The following CDKL2 variants were observed in gnomAD, a reference collection of about 807,000 sequenced individuals.
CDKL2 encodes the protein cyclin-dependent kinase-like 2.
CDKL2 carries 64 observed loss-of-function variants against 63.9 expected under a neutral mutation model. The observed-to-expected ratio is 1.00, with a 90% CI of 0.82 to 1.23. The LOEUF (loss-of-function observed/expected upper bound fraction) is 1.23. CDKL2 is among the 50% of genes most tolerant of loss of function. The pLI is 0.00. For synonymous variants in CDKL2, 211 were observed against 229.2 expected, an observed-to-expected ratio of 0.92 and a Z score of 0.72; for missense variants, 656 against 668.0, an observed-to-expected ratio of 0.98 and a Z score of 0.20.
Position 75,614,278 on chromosome 4 carries a change from T to C in CDKL2, c.340A>G (p.Ile114Val). 1 of 1,605,500 alleles carries C rather than the reference T, an allele frequency of 6.2e-7. No homozygotes were observed. Among genetic ancestry groups the C allele is most frequent in the Non-Finnish European group, 8.5e-7 (1 of 1,176,736 alleles). Residue 114 changes from isoleucine (I) to valine (V), a missense_variant, in exon 3 of 14, where the codon ATT becomes GTT. Coordinates refer to ENST00000307465, the MANE Select transcript of CDKL2 (RefSeq NM_001330724.2). ...ACATTGTGACTGTGACAAAATCCAA[T>C]TCCATTAATAATCTGAAACAAATAC... is the stretch of plus-strand genomic sequence containing the variant. ...QKYLFQIINGIGFCHSHNIIH... is the reference protein window; with the variant it reads ...QKYLFQIINGVGFCHSHNIIH...
intron 2 of CDKL2, among the ~76,000 whole-genome samples, chr4:75,615,155 A>G (rs1477565784): frequency 6.6e-6 from 1 of 152,036 alleles, no homozygotes; most frequent in Non-Finnish European, 1.5e-5. Flanking sequence ...CAAGTTTTAG[A>G]GAAATTAAAC....
chr4:75,580,015 T>C (rs1206930803), intron 13 of CDKL2, among the ~76,000 whole-genome samples: 2 of 152,178 alleles, frequency 1.3e-5, no homozygotes, highest in Non-Finnish European at 2.9e-5. Context: ...CTCATGACTG[T>C]AATCCCAGCA....
intron 3 of CDKL2, among the ~76,000 whole-genome samples, chr4:75,609,800 C>T (rs1729603538): frequency 6.6e-6 from 1 of 151,872 alleles, no homozygotes; most frequent in South Asian, 2.1e-4. Flanking sequence ...GCATCCTAAA[C>T]GGCAATCTGC....
In CDKL2 at chr4:75,628,344, T is replaced by A. The variant is rs192631420; in HGVS notation, c.-30+1698A>T. Among the ~76,000 whole-genome samples the A allele has an allele frequency of 1.4e-3, 211 of 152,272 alleles. 1 individual carries two copies. The highest frequency in any genetic ancestry group is 5.0e-3 in the African/African-American group (206 of 41,568). ...GTTAGCCAGGATTGTATCGATCTCC[T>A]GACCTCGTGATCTGCCCGCCTCGGC... is the stretch of plus-strand genomic sequence containing the variant. On this transcript the variant is annotated intron_variant, in intron 1 of 13. Transcript: ENST00000307465.
rs570788852 is a variant in CDKL2, at chr4:75,616,492, A to G, written c.169-2043T>C. Among the ~76,000 whole-genome samples, 146 of 152,060 alleles carry G rather than the reference A, an allele frequency of 9.6e-4. 1 individual carries two copies. Among genetic ancestry groups the G allele is most frequent in the Middle Eastern group, 3.4e-3 (1 of 294 alleles). Reference sequence around the variant, plus strand: ...AACCTGGCCAACATGGCAAAACCCCATCTCTACCAAAAATACAAAAAAATT... The same window carrying G: ...AACCTGGCCAACATGGCAAAACCCCGTCTCTACCAAAAATACAAAAAAATT... On this transcript the variant is annotated intron_variant, in intron 2 of 13. Coordinates refer to ENST00000307465, the MANE Select transcript of CDKL2 (RefSeq NM_001330724.2).
At chr4:75,614,161 G>C (rs1321684554) in intron 3 of CDKL2, 94 bp downstream of exon 3, 1 of 771,242 alleles carries the variant, frequency 1.3e-6, no homozygotes, top group Non-Finnish European at 2.1e-6. Context: ...ACTGATGTCT[G>C]CAACTTATTT....
chr4:75,624,989 A>C (rs1469604116), intron 2 of CDKL2, among the ~76,000 whole-genome samples: 1 of 152,266 alleles, frequency 6.6e-6, no homozygotes, highest in African/African-American at 2.4e-5. Context: ...GTTTATAAAA[A>C]TAAACATTAA....
Position 75,591,829 on chromosome 4 carries a change from G to A in CDKL2, c.1637C>T (p.Thr546Ile). The A allele has an allele frequency of 6.5e-7, 1 of 1,533,320 alleles. No homozygotes were observed. Among genetic ancestry groups the A allele is most frequent in the Non-Finnish European group, 8.7e-7 (1 of 1,144,508 alleles). The allele number at this position is 1,533,320 out of a possible 1,614,324, so 95.0% of individuals were successfully genotyped here. ...AAIDLHTPSI[T>I]LHQVSGPPLS... ...AGAGTATTTCTGTACCTGATGTAATGTAATACTGGGGGTGTGCAGGTCAAT... is the reference window on the plus strand; with the variant it reads ...AGAGTATTTCTGTACCTGATGTAATATAATACTGGGGGTGTGCAGGTCAAT... Residue 546 changes from threonine (T) to isoleucine (I), a missense_variant, in exon 12 of 14, where the codon ACA becomes ATA. Physicochemically the swap from Thr to Ile is moderately conservative, Grantham distance 89. Coordinates refer to ENST00000307465, the MANE Select transcript of CDKL2 (RefSeq NM_001330724.2).
chr4:75,610,822 T>G (rs1426316741), intron 3 of CDKL2, among the ~76,000 whole-genome samples: 3 of 152,206 alleles, frequency 2.0e-5, no homozygotes, highest in African/African-American at 7.2e-5. Context: ...CATATATGTG[T>G]TTATATATAT....
Position 75,597,050 on chromosome 4 carries a change from C to G in CDKL2, c.1207G>C (p.Asp403His), listed in dbSNP as rs1342916491. 5.0e-6 allele frequency: 8 copies of G among 1,614,174 alleles called. No homozygotes were observed. The highest frequency in any genetic ancestry group is 6.8e-6 in the Non-Finnish European group (8 of 1,180,014). The change falls in exon 9 of 14, where the codon GAC becomes CAC. Residue 403 changes from aspartate to histidine, a missense_variant. Asp to His is a moderately conservative substitution (Grantham distance 81). Coordinates refer to ENST00000307465, the MANE Select transcript of CDKL2 (RefSeq NM_001330724.2). ...GCCACGCTTGGATTCCTTGTGTGGT[C>G]CACGCTGACATTGCTGCAGTCTTTG... is the stretch of plus-strand genomic sequence containing the variant. ...SLKDCSNVSV[D>H]HTRNPSVAIP...
intron 3 of CDKL2, among the ~76,000 whole-genome samples, chr4:75,612,895 C>T (rs1368248966): frequency 6.6e-6 from 1 of 152,274 alleles, no homozygotes; most frequent in Admixed American, 6.5e-5. Context: ...GAGGCCAAGG[C>T]AGGCGGATCA....
chr4:75,605,260 G>A (rs201664659), intron 5 of CDKL2, among the ~76,000 whole-genome samples: 1 of 152,068 alleles, frequency 6.6e-6, no homozygotes, highest in East Asian at 1.9e-4. Context: ...GGCTGAGGCA[G>A]GAGAATCGCT....
At chr4:75,603,776 T>C (rs770088210) in intron 6 of CDKL2, 41 bp downstream of exon 6, 6 of 898,604 alleles carry the variant, frequency 6.7e-6, no homozygotes, top group Middle Eastern at 7.2e-4. Context: ...TGATAGTGCA[T>C]AAATTCCCTG....
At chr4:75,620,685 T>C (rs1730115146) in intron 2 of CDKL2, among the ~76,000 whole-genome samples, 1 of 152,060 alleles carries the variant, frequency 6.6e-6, no homozygotes, top group African/African-American at 2.4e-5. Context: ...CCAAGAAACA[T>C]ATGCCACTTT....
chr4:75,619,577 TAAAAAAAAAAAAA>T (rs71203836), intron 2 of CDKL2, among the ~76,000 whole-genome samples: 3 of 78,146 alleles, frequency 3.8e-5, no homozygotes, highest in Non-Finnish European at 7.3e-5. Flanking sequence ...CACAGCTGTA[TAAAAAAAAAAAAA>T]AAAAAAAAAA....
Position 75,615,725 on chromosome 4 carries a change from G to A in CDKL2, c.169-1276C>T, listed in dbSNP as rs140691437. Among the ~76,000 whole-genome samples, 207 of 152,330 alleles carry A rather than the reference G, an allele frequency of 1.4e-3. 1 individual carries two copies. The highest frequency in any genetic ancestry group is 4.8e-3 in the African/African-American group (200 of 41,566). ...GTGTATATATACACCAGGTGCAGTG[G>A]CTCACACCTGTAATCCCAGTGACTT... On this transcript the variant is annotated intron_variant, in intron 2 of 13. Transcript: ENST00000307465.
intron 4 of CDKL2, among the ~76,000 whole-genome samples, chr4:75,606,124 A>T (rs1328410543): frequency 6.6e-6 from 1 of 152,194 alleles, no homozygotes; most frequent in Non-Finnish European, 1.5e-5. Context: ...ATGCTATGCC[A>T]TCATACACTG....
In CDKL2 at chr4:75,581,911, A is replaced by G; in HGVS notation, c.1648-13T>C. 6.3e-7 allele frequency: 1 copy of G among 1,586,852 alleles called. No homozygotes were observed. Among genetic ancestry groups the G allele is most frequent in the Non-Finnish European group, 8.6e-7 (1 of 1,156,128 alleles). On this transcript the variant is annotated splice_polypyrimidine_tract_variant and intron_variant, in intron 12 of 13. Transcript: ENST00000307465. The stretch of plus-strand genomic sequence containing the variant: ...GAGGTCCTGATACCTATAAATTAAT[A>G]ATAGAGCATCATAGGTTCTCAGTAA...
At chr4:75,609,679 A>T (rs1246338391) in intron 3 of CDKL2, among the ~76,000 whole-genome samples, 1 of 148,196 alleles carries the variant, frequency 6.7e-6, no homozygotes, top group African/African-American at 2.5e-5. Context: ...ATATATATTT[A>T]AAAATCTACA....
Sources: gnomAD v4.1 joint callset for allele counts (sites outside exome capture counted in the v4.1 genomes callset) on GRCh38, gnomAD v4.1.1 for gene constraint, MANE v1.5 for transcripts, NCBI Gene and HGNC (gene_info 2026-07-23, HGNC 2026-07-21) for gene names.